The following ATXN10 variants were observed in gnomAD, a reference collection of about 807,000 sequenced individuals.
The protein encoded by ATXN10 is ataxin-10.
ATXN10 carries 28 observed loss-of-function variants against 52.9 expected under a neutral mutation model. That is an observed-to-expected ratio of 0.53 (90% CI 0.39 to 0.73). The LOEUF (loss-of-function observed/expected upper bound fraction) is 0.73. ATXN10 is among the 30% of genes least tolerant of loss of function. The pLI, the probability that ATXN10 is intolerant of heterozygous loss-of-function variation, is 0.00. For synonymous variants in ATXN10, 226 were observed against 221.5 expected (o/e 1.02, Z -0.18); for missense variants, 565 against 577.0 (o/e 0.98, Z 0.21).
rs1053318925 is a variant in ATXN10 at position 45,712,901 on chromosome 22, C to G, written c.648-5512C>G. The stretch of plus-strand genomic sequence containing the variant: ...TTAAGCAACTGTGGGTTAGATTTCC[C>G]AGATCTCACAACAAAGGAGAGTGGC... On this transcript the variant is annotated intron_variant, in intron 5 of 11. Coordinates refer to ENST00000252934, the MANE Select transcript of ATXN10 (RefSeq NM_013236.4). This position sits in a 1 kb window ranked among gnomAD's most constrained non-coding sequence, Gnocchi z 4.6. 6.6e-6 allele frequency among the ~76,000 whole-genome samples: 1 copy of G among 152,112 alleles called. No homozygotes were observed. Among genetic ancestry groups the G allele is most frequent in the Non-Finnish European group, 1.5e-5 (1 of 68,030 alleles).
In ATXN10 at chr22:45,781,582, A is replaced by G. The variant is rs969817053; in HGVS notation, c.1174-25377A>G. 6.6e-6 allele frequency among the ~76,000 whole-genome samples: 1 copy of G among 152,246 alleles called. No homozygotes were observed. Among genetic ancestry groups the G allele is most frequent in the South Asian group, 2.1e-4 (1 of 4,834 alleles). On this transcript the variant is annotated intron_variant, in intron 9 of 11. Coordinates refer to ENST00000252934, the MANE Select transcript of ATXN10 (RefSeq NM_013236.4). This position sits in a 1 kb window ranked among gnomAD's most constrained non-coding sequence, Gnocchi z 4.2. ...AGTACAATTTAAAATCATGGGTTAC[A>G]CTAAGGACCAGGAAAATCTTAGCTT... is the stretch of plus-strand genomic sequence containing the variant.
Position 45,727,458 on chromosome 22 carries a change from A to G in ATXN10, c.729-1967A>G, listed in dbSNP as rs1375290601. On this transcript the variant is annotated intron_variant, in intron 6 of 11. Transcript: ENST00000252934. The surrounding 1 kb of genome is among the most constrained non-coding windows in gnomAD (Gnocchi z 4.6). The stretch of plus-strand genomic sequence containing the variant: ...ACTGTAACCTCTGCCTCCTGGGTTC[A>G]AGTGATTCTTCCGCCTCAGCCTCCT... 6.6e-6 allele frequency among the ~76,000 whole-genome samples: 1 copy of G among 152,050 alleles called. No individual in the cohort carries two copies. The highest frequency in any genetic ancestry group is 1.5e-5 in the Non-Finnish European group (1 of 67,998).
intron 9 of ATXN10, among the ~76,000 whole-genome samples, chr22:45,802,869 G>A (rs185161795): frequency 4.1e-4 from 62 of 151,994 alleles, no homozygotes; most frequent in Non-Finnish European, 7.1e-4. Context: ...AATAAATCCC[G>A]AATACTTTTA....
At chr22:45,836,363 G>A (rs1380209015) in intron 10 of ATXN10, among the ~76,000 whole-genome samples, 1 of 152,318 alleles carries the variant, frequency 6.6e-6, no homozygotes, top group Admixed American at 6.5e-5. Flanking sequence ...CAAAAGTAAG[G>A]GGATCTTCAG....
chr22:45,765,111 G>C (rs11090654), intron 9 of ATXN10, among the ~76,000 whole-genome samples: 1 of 152,100 alleles, frequency 6.6e-6, no homozygotes, highest in Non-Finnish European at 1.5e-5. Flanking sequence ...AAAGCAGCGT[G>C]AAGTATGCCC....
chr22:45,765,704 T>G (rs1032094074), intron 9 of ATXN10, among the ~76,000 whole-genome samples: 2 of 152,222 alleles, frequency 1.3e-5, no homozygotes, highest in African/African-American at 4.8e-5. Flanking sequence ...AAATATTGGT[T>G]GTTCTCATGA....
rs1926091054 is a variant in ATXN10 at position 45,754,110 on chromosome 22, C to T, written c.1173+13572C>T. On this transcript the variant is annotated intron_variant, in intron 9 of 11. Transcript: ENST00000252934. This position sits in a 1 kb window ranked among gnomAD's most constrained non-coding sequence, Gnocchi z 5.4. ...CAGGACGCAACCTGGGTTCCTGAGC[C>T]TTATGGGGTTAAGTGCAAAAGTGAG... Among the ~76,000 whole-genome samples, 1 of 150,384 alleles carries T rather than the reference C, an allele frequency of 6.6e-6. No individual in the cohort carries two copies. Among genetic ancestry groups the T allele is most frequent in the Admixed American group, 6.6e-5 (1 of 15,126 alleles).
Position 45,681,814 on chromosome 22 carries a change from C to T in ATXN10, c.117-7898C>T, listed in dbSNP as rs1173523521. 6.6e-6 allele frequency among the ~76,000 whole-genome samples: 1 copy of T among 151,920 alleles called. No homozygotes were observed. The highest frequency in any genetic ancestry group is 1.9e-4 in the East Asian group (1 of 5,140). ...TCCCCGAGTCAGGTATTTCATGCTC[C>T]ACCCTCTTCAAACCTCCATCCCATC... On this transcript the variant is annotated intron_variant, in intron 1 of 11. Transcript: ENST00000252934. This position sits in a 1 kb window ranked among gnomAD's most constrained non-coding sequence, Gnocchi z 4.2.
rs986250200 is a variant in ATXN10 at position 45,783,267 on chromosome 22, G to A, written c.1174-23692G>A. On this transcript the variant is annotated intron_variant, in intron 9 of 11. Coordinates refer to ENST00000252934, the MANE Select transcript of ATXN10 (RefSeq NM_013236.4). The surrounding 1 kb of genome is among the most constrained non-coding windows in gnomAD (Gnocchi z 5.0). ...CTGGACAAGGGAGGATTCAAGCCCTGGGAGGGATGGTGAGAGATTTTCTCA... is the reference window on the plus strand; with the variant it reads ...CTGGACAAGGGAGGATTCAAGCCCTAGGAGGGATGGTGAGAGATTTTCTCA... Among the ~76,000 whole-genome samples the A allele has an allele frequency of 6.6e-6, 1 of 152,168 alleles. No individual in the cohort carries two copies. Among genetic ancestry groups the A allele is most frequent in the African/African-American group, 2.4e-5 (1 of 41,426 alleles).
rs1316788170 is a variant in ATXN10, at chr22:45,805,403, A to T, written c.1174-1556A>T. On this transcript the variant is annotated intron_variant, in intron 9 of 11. Transcript: ENST00000252934. The surrounding 1 kb of genome is among the most constrained non-coding windows in gnomAD (Gnocchi z 4.4). ...TCCACTCAAAAACATGTACATGCAC[A>T]TTCAGAGCAGCATTATCATGATAAC... 6.6e-6 allele frequency among the ~76,000 whole-genome samples: 1 copy of T among 152,238 alleles called. No individual in the cohort carries two copies. Among genetic ancestry groups the T allele is most frequent in the African/African-American group, 2.4e-5 (1 of 41,460 alleles).
chr22:45,804,558 A>G (rs1199733667), intron 9 of ATXN10, among the ~76,000 whole-genome samples: 1 of 152,256 alleles, frequency 6.6e-6, no homozygotes, highest in African/African-American at 2.4e-5. Context: ...GTTCATGTTC[A>G]GATGACTGAA....
chr22:45,779,722 T>G (rs1046368920), intron 9 of ATXN10, among the ~76,000 whole-genome samples: 1 of 152,218 alleles, frequency 6.6e-6, no homozygotes, highest in African/African-American at 2.4e-5. Context: ...TTGCCTTGCA[T>G]GGTTACAGAC....
chr22:45,758,462 CA>C (rs1926255947), intron 9 of ATXN10, among the ~76,000 whole-genome samples: 1 of 152,164 alleles, frequency 6.6e-6, no homozygotes, highest in Non-Finnish European at 1.5e-5. Flanking sequence ...CTTTTTGGTT[CA>C]AAAGATTAGA....
rs757155741 is a variant in ATXN10 at position 45,729,612 on chromosome 22, A to G, written c.894+22A>G. 51 of 1,613,200 alleles carry G rather than the reference A, an allele frequency of 3.2e-5. No homozygotes were observed. In the East Asian group the frequency reaches 7.6e-4, roughly 24 times the overall value. ...TGAGGTAAGGGAGGCAGATTTCCCA[A>G]TCTCGGGTAAAAGAGAATGGACAGA... On this transcript the variant is annotated intron_variant, in intron 7 of 11. Transcript: ENST00000252934.
intron 7 of ATXN10, among the ~76,000 whole-genome samples, chr22:45,731,613 A>C (rs1925091558): frequency 6.6e-6 from 1 of 152,220 alleles, no homozygotes; most frequent in African/African-American, 2.4e-5. Context: ...ATTGGAATCC[A>C]GAGTGGATAC....
rs1291794724 is a variant in ATXN10 at position 45,757,061 on chromosome 22, CCCT to C, written c.1173+16530_1173+16532del. Among the ~76,000 whole-genome samples the C allele has an allele frequency of 5.3e-5, 8 of 152,238 alleles. No individual in the cohort carries two copies. Among genetic ancestry groups the C allele is most frequent in the Middle Eastern group, 3.4e-3 (1 of 294 alleles). On this transcript the variant is annotated intron_variant, in intron 9 of 11. Coordinates refer to ENST00000252934, the MANE Select transcript of ATXN10 (RefSeq NM_013236.4). This position sits in a 1 kb window ranked among gnomAD's most constrained non-coding sequence, Gnocchi z 4.6. ...CCAGATGCTTTCCCAAGTGGCTGTG[CCCT>C]CCTCCTATTTGCGGAGGAATGGCTT...
At chr22:45,706,673 TTTG>T in intron 5 of ATXN10, among the ~76,000 whole-genome samples, 1 of 152,410 alleles carries the variant, frequency 6.6e-6, no homozygotes, top group African/African-American at 2.4e-5. Context: ...TATTTGGGAG[TTTG>T]TTGTTTAATT....
At chr22:45,745,769 AATTT>A (rs1344765964) in intron 9 of ATXN10, among the ~76,000 whole-genome samples, 2 of 152,202 alleles carry the variant, frequency 1.3e-5, no homozygotes, top group Non-Finnish European at 2.9e-5. Context: ...CTTGAATGAC[AATTT>A]ATTTGTAAAA....
At chr22:45,698,937 A>T (rs141637855) in intron 3 of ATXN10, among the ~76,000 whole-genome samples, 2 of 152,320 alleles carry the variant, frequency 1.3e-5, no homozygotes, top group African/African-American at 4.8e-5. Context: ...ACTTTATTCT[A>T]GGTAGATTTT....
Sources: allele counts gnomAD v4.1 joint callset (sites outside exome capture counted in the v4.1 genomes callset), GRCh38; gene constraint gnomAD v4.1.1; non-coding constraint Gnocchi (gnomAD v3.1); transcripts MANE v1.5; gene names NCBI Gene and HGNC (gene_info 2026-07-23, HGNC 2026-07-21).